LRRC1: variants seen among roughly 807,000 people sequenced by gnomAD.
LRRC1 encodes the protein leucine-rich repeat-containing protein 1.
Under a neutral mutation model 69.9 loss-of-function variants are expected in LRRC1, and 28 were observed. That is an observed-to-expected ratio of 0.40 (90% CI 0.30 to 0.55). The LOEUF is 0.55. LRRC1 is among the 20% of genes least tolerant of loss of function. The pLI, the probability that LRRC1 is intolerant of heterozygous loss-of-function variation, is 0.47. For synonymous variants in LRRC1, 236 were observed against 240.2 expected (o/e 0.98, Z 0.16); for missense variants, 498 against 609.0 (o/e 0.82, Z 1.92).
intron 13 of LRRC1, 26 bp downstream of exon 13, chr6:53,920,787 C>T: frequency 6.2e-7 from 1 of 1,613,398 alleles, no homozygotes; most frequent in Non-Finnish European, 8.5e-7. Flanking sequence ...TTCTTTGCCT[C>T]TGTGGAAGTT....
At position 53,816,901 on chromosome 6, in the gene LRRC1, A is replaced by G. The variant is rs75013470; in HGVS notation, c.159+21486A>G. Among the ~76,000 whole-genome samples the G allele has an allele frequency of 8.3e-3, 1,257 of 152,328 alleles. 12 individuals are homozygous for G. The highest frequency in any genetic ancestry group is 0.028 in the African/African-American group (1,146 of 41,572). On this transcript the variant is annotated intron_variant, in intron 1 of 13. Transcript: ENST00000370888. ...TTTCAACACATTAGCTTCACTTAAGACAAAGAAGATAGCCAAAATTTTAAT... is the reference window on the plus strand; with the variant it reads ...TTTCAACACATTAGCTTCACTTAAGGCAAAGAAGATAGCCAAAATTTTAAT...
At chr6:53,910,201 G>C (rs1768365487) in intron 10 of LRRC1, among the ~76,000 whole-genome samples, 2 of 152,110 alleles carry the variant, frequency 1.3e-5, no homozygotes, top group African/African-American at 4.8e-5. Flanking sequence ...AATTCTCAGA[G>C]AATCCAAGTC....
chr6:53,922,633 A>G lies in LRRC1; in HGVS notation c.1417-2A>G. The G allele has an allele frequency of 6.2e-7, 1 of 1,604,580 alleles. No individual in the cohort carries two copies. Among genetic ancestry groups the G allele is most frequent in the Non-Finnish European group, 8.5e-7 (1 of 1,174,358 alleles). On this transcript the variant is annotated splice_acceptor_variant, in intron 13 of 13. Transcript: ENST00000370888. LOFTEE classifies it high-confidence loss of function. ...AACACTCACTCCACTGTTTGTTTTT[A>G]GAGAACACTTCTAAGGCGAGCCACT... is the stretch of plus-strand genomic sequence containing the variant.
intron 3 of LRRC1, among the ~76,000 whole-genome samples, chr6:53,880,083 T>G (rs1328730851): frequency 1.3e-5 from 2 of 152,224 alleles, no homozygotes; most frequent in Non-Finnish European, 2.9e-5. Context: ...CTAAAATTTC[T>G]GAGTCATCTC....
chr6:53,863,360 C>T (rs544743159), intron 2 of LRRC1, among the ~76,000 whole-genome samples: 3 of 152,294 alleles, frequency 2.0e-5, no homozygotes, highest in African/African-American at 2.4e-5. Flanking sequence ...GGGATTTTGT[C>T]GTTTGCCTCT....
intron 2 of LRRC1, among the ~76,000 whole-genome samples, chr6:53,847,403 T>C (rs1236426315): frequency 2.6e-5 from 4 of 152,240 alleles, no homozygotes; most frequent in African/African-American, 9.6e-5. Context: ...AAGGAAATAC[T>C]TGTCAGTATT....
At chr6:53,836,295 A>G (rs1055538978) in intron 1 of LRRC1, among the ~76,000 whole-genome samples, 1 of 152,258 alleles carries the variant, frequency 6.6e-6, no homozygotes, top group African/African-American at 2.4e-5. Context: ...ATAAAAATCC[A>G]TGTAGTTTTG....
At chr6:53,877,305 C>G (rs1562055563) in intron 2 of LRRC1, among the ~76,000 whole-genome samples, 1 of 152,176 alleles carries the variant, frequency 6.6e-6, no homozygotes, top group Non-Finnish European at 1.5e-5. Context: ...CAATTTTCTC[C>G]TAGGCCTCTG....
chr6:53,900,612 G>A (rs1768029398), intron 8 of LRRC1, among the ~76,000 whole-genome samples: 1 of 152,174 alleles, frequency 6.6e-6, no homozygotes, highest in South Asian at 2.1e-4. Flanking sequence ...CTTATTCCAT[G>A]ACCTAAGGGA....
intron 1 of LRRC1, among the ~76,000 whole-genome samples, chr6:53,818,547 A>G (rs1765019407): frequency 1.3e-5 from 2 of 152,346 alleles, no homozygotes; most frequent in South Asian, 2.1e-4. Context: ...AACTTTCTTG[A>G]TAAATTTTTA....
chr6:53,903,617 T>A (rs989397317), intron 9 of LRRC1, among the ~76,000 whole-genome samples: 5 of 151,906 alleles, frequency 3.3e-5, no homozygotes, highest in Non-Finnish European at 7.4e-5. Flanking sequence ...ATAAATAGAG[T>A]AAGTAATGTT....
chr6:53,829,977 T>G (rs1262890329), intron 1 of LRRC1, among the ~76,000 whole-genome samples: 1 of 152,208 alleles, frequency 6.6e-6, no homozygotes, highest in African/African-American at 2.4e-5. Context: ...TGAGGTGATG[T>G]GCTGAACAAG....
At chr6:53,846,712 T>C (rs1487613853) in intron 2 of LRRC1, among the ~76,000 whole-genome samples, 1 of 152,240 alleles carries the variant, frequency 6.6e-6, no homozygotes, top group Admixed American at 6.5e-5. Flanking sequence ...GCTGGTAACA[T>C]TTTGTCTACA....
chr6:53,912,106 T>TCCC (rs764700317), intron 10 of LRRC1, among the ~76,000 whole-genome samples: 30 of 152,090 alleles, frequency 2.0e-4, no homozygotes, highest in Non-Finnish European at 7.4e-5. Flanking sequence ...AATGAGAAAT[T>TCCC]TAGTGGGCAG....
intron 2 of LRRC1, among the ~76,000 whole-genome samples, chr6:53,870,042 G>T (rs755338735): frequency 5.3e-5 from 8 of 152,240 alleles, no homozygotes; most frequent in Non-Finnish European, 8.8e-5. Context: ...GGAGACTTGC[G>T]TTCTGTTTAC....
In LRRC1 at chr6:53,804,607, T is replaced by C. The variant is rs116264637; in HGVS notation, c.159+9192T>C. Among the ~76,000 whole-genome samples, 1,128 of 152,362 alleles carry C rather than the reference T, an allele frequency of 7.4e-3. 11 individuals carry two copies. Among genetic ancestry groups the C allele is most frequent in the African/African-American group, 0.025 (1,019 of 41,578 alleles). ...TACTGCGAGTGCTATAGTATTCCAT[T>C]GTATTGGATATAGCACTGTTATTTA... On this transcript the variant is annotated intron_variant, in intron 1 of 13. Transcript: ENST00000370888.
At chr6:53,897,727 A>G (rs901346088) in intron 7 of LRRC1, among the ~76,000 whole-genome samples, 1 of 152,132 alleles carries the variant, frequency 6.6e-6, no homozygotes, top group Non-Finnish European at 1.5e-5. Context: ...GTGCTTTGGG[A>G]TAATTTGACC....
In LRRC1 at chr6:53,910,254, G is replaced by A. The variant is rs139798372; in HGVS notation, c.991-3600G>A. Among the ~76,000 whole-genome samples, 295 of 152,002 alleles carry A rather than the reference G, an allele frequency of 1.9e-3. 2 individuals are homozygous for A. Among genetic ancestry groups the A allele is most frequent in the African/African-American group, 6.8e-3 (283 of 41,460 alleles). The stretch of plus-strand genomic sequence containing the variant: ...GGAAGGTGCTATTATGTGGTTTAAG[G>A]GAAGCTTAAAAATATCAGCTTCCTA... On this transcript the variant is annotated intron_variant, in intron 10 of 13. Transcript: ENST00000370888.
chr6:53,889,190 A>C (rs557418762), intron 4 of LRRC1, among the ~76,000 whole-genome samples: 1 of 152,304 alleles, frequency 6.6e-6, no homozygotes, highest in South Asian at 2.1e-4. Flanking sequence ...ATTATAATTA[A>C]AAAGATAAAT....
Sources: gnomAD v4.1 joint callset for allele counts (sites outside exome capture counted in the v4.1 genomes callset) on GRCh38, gnomAD v4.1.1 for gene constraint, MANE v1.5 for transcripts, NCBI Gene and HGNC (gene_info 2026-07-23, HGNC 2026-07-21) for gene names.